Variants in USP30 observed in about 807,000 individuals in gnomAD.
The protein encoded by USP30 is ubiquitin carboxyl-terminal hydrolase 30.
In USP30, 41 loss-of-function variants were observed where a neutral mutation model predicts 68.2. That is an observed-to-expected ratio of 0.60 (90% confidence interval 0.47 to 0.78). The LOEUF (loss-of-function observed/expected upper bound fraction) is 0.78. Ranked by LOEUF, USP30 falls within the 30% of genes least tolerant of loss-of-function variation. The pLI is 0.00. For missense variants in USP30, 522 were observed against 649.4 expected (o/e 0.80, Z 2.13); for synonymous variants, 229 against 253.7 (o/e 0.90, Z 0.93).
At chr12:109,057,883 A>G in intron 2 of USP30, 43 bp from the exon 3 acceptor site, 1 of 1,570,208 alleles carries the variant, frequency 6.4e-7, no homozygotes, top group Admixed American at 1.9e-5. Flanking sequence ...AAATTGATCA[A>G]ATGTGATATA....
intron 3 of USP30, among the ~76,000 whole-genome samples, chr12:109,061,601 G>A (rs1326143420): frequency 6.6e-6 from 1 of 151,800 alleles, no homozygotes; most frequent in Non-Finnish European, 1.5e-5. Flanking sequence ...GTAGAGACAG[G>A]GTTTTGACTT....
Position 109,071,612 on chromosome 12 carries a change from G to C in USP30, c.481G>C (p.Asp161His). The C allele has an allele frequency of 6.2e-7, 1 of 1,613,996 alleles. No homozygotes were observed. The highest frequency in any genetic ancestry group is 1.7e-5 in the Admixed American group (1 of 60,000). ...RWQISSFEEQ[D>H]AHELFHVITS... is the part of the protein sequence containing the mutation. ...TAAAGAATGCTTTGCCCTATGACAG[G>C]ATGCTCACGAATTATTCCATGTCAT... Residue 161 changes from aspartate (D) to histidine (H), a missense_variant and splice_region_variant, in exon 5 of 13, where the codon GAT becomes CAT. By Grantham distance (81) the Asp-to-His change is moderately conservative. Transcript: ENST00000257548.
At chr12:109,034,500 G>A (rs979969963) in intron 3 of USP30, among the ~76,000 whole-genome samples, 9 of 152,198 alleles carry the variant, frequency 5.9e-5, no homozygotes, top group African/African-American at 2.2e-4. Context: ...ACTGAGGTGG[G>A]AGGATCGCTT....
At chr12:109,042,877 A>G (rs2135674459) in intron 3 of USP30, among the ~76,000 whole-genome samples, 1 of 152,334 alleles carries the variant, frequency 6.6e-6, no homozygotes, top group East Asian at 1.9e-4. Flanking sequence ...AAAAGCTGTT[A>G]GAACTAATAA....
intron 3 of USP30, among the ~76,000 whole-genome samples, chr12:109,038,168 C>G (rs2040535224): frequency 6.9e-6 from 1 of 145,668 alleles, no homozygotes; most frequent in South Asian, 2.3e-4. Flanking sequence ...TCTCCCTCCC[C>G]CGACCCCTCC....
upstream of USP30, among the ~76,000 whole-genome samples, chr12:109,048,058 G>C (rs1319534432): frequency 6.6e-6 from 1 of 151,050 alleles, no homozygotes; most frequent in South Asian, 2.1e-4. Context: ...TCATGGGTCT[G>C]ACGTCTAATA....
At chr12:109,043,984 G>A (rs2135675720) in intron 3 of USP30, among the ~76,000 whole-genome samples, 1 of 152,266 alleles carries the variant, frequency 6.6e-6, no homozygotes, top group South Asian at 2.1e-4. Flanking sequence ...ATCAACAAAA[G>A]AGTGGATAAG....
intron 3 of USP30, among the ~76,000 whole-genome samples, chr12:109,067,207 G>A (rs917395376): frequency 2.8e-5 from 4 of 144,714 alleles, no homozygotes; most frequent in Non-Finnish European, 4.5e-5. Context: ...TCCGCCTCCC[G>A]GGTTCATGCC....
intron 8 of USP30, 78 bp downstream of exon 8, chr12:109,081,471 T>C: frequency 6.9e-7 from 1 of 1,452,980 alleles, no homozygotes; most frequent in South Asian, 1.2e-5. Context: ...GCATTTTATG[T>C]GGCTCAGGCA....
chr12:109,060,715 C>T lies in USP30; in HGVS notation c.376+2607C>T, dbSNP rs540245131. Among the ~76,000 whole-genome samples, 15 of 152,136 alleles carry T rather than the reference C, an allele frequency of 9.9e-5. No homozygotes were observed. In the South Asian group the frequency reaches 2.3e-3, roughly 23 times the overall value. On this transcript the variant is annotated intron_variant, in intron 3 of 12. Transcript: ENST00000257548. ...TGTCACTCAGGCTGGAATGCAGTGG[C>T]GGGATCTCGGCTCACTGCAACCTCT...
rs75382896 is a variant in USP30 at position 109,072,342 on chromosome 12, G to C, written c.617G>C (p.Arg206Pro). The C allele has an allele frequency of 6.2e-7, 1 of 1,612,912 alleles. No individual in the cohort carries two copies. The change falls in exon 6 of 13, where the codon CGC becomes CCC. Residue 206 changes from arginine (R) to proline (P), a missense_variant. Arg to Pro is a moderately radical substitution (Grantham distance 103, BLOSUM62 -2). Transcript: ENST00000257548. Reference sequence around the variant, plus strand: ...ATAACTCCCAAACAAATTACCTGCCGCACAAGAGGTAGCTGTTTTCCATTG... The same window carrying C: ...ATAACTCCCAAACAAATTACCTGCCCCACAAGAGGTAGCTGTTTTCCATTG... The part of the protein sequence containing the change: ...SEITPKQITC[R>P]TRGSPHPTSN...
intron 5 of USP30, 36 bp from the exon 6 acceptor site, chr12:109,072,269 G>A: frequency 1.3e-6 from 2 of 1,599,666 alleles, no homozygotes; most frequent in Non-Finnish European, 1.7e-6. Context: ...ATTATAGTAA[G>A]GTTTTCAGTC....
intron 4 of USP30, among the ~76,000 whole-genome samples, chr12:109,071,100 T>A (rs1010463799): frequency 6.6e-6 from 1 of 152,044 alleles, no homozygotes; most frequent in Non-Finnish European, 1.5e-5. Context: ...AGATAAAGAA[T>A]GGTGGGTGCC....
chr12:109,081,877 A>G (rs957197016), intron 8 of USP30, 56 bp from the exon 9 acceptor site: 2 of 1,535,524 alleles, frequency 1.3e-6, no homozygotes, highest in Non-Finnish European at 1.8e-6. Flanking sequence ...ATCTGCTAAC[A>G]GTTTCAGTAT....
Position 109,086,411 on chromosome 12 carries a change from G to T in USP30, c.*480G>T, listed in dbSNP as rs530247179. On this transcript the variant is annotated 3_prime_UTR_variant, in exon 13 of 13. Coordinates refer to ENST00000257548, the MANE Select transcript of USP30 (RefSeq NM_032663.5). Reference sequence around the variant, plus strand: ...CCTTTCACTTTCGATTGCTTTTGTAGCACGTCCATTGTGAAATATTCCTTC... The same window carrying T: ...CCTTTCACTTTCGATTGCTTTTGTATCACGTCCATTGTGAAATATTCCTTC... The T allele has an allele frequency of 1.3e-5, 2 of 156,738 alleles. No homozygotes were observed. Among genetic ancestry groups the T allele is most frequent in the African/African-American group, 2.4e-5 (1 of 41,614 alleles). 9.7% of individuals were successfully genotyped at this position (156,738 alleles called of 1,614,324 possible). A position where few individuals can be genotyped will look rare whatever the true frequency, so the allele number is the denominator to read the frequency against.
chr12:109,050,088 G>C (rs951760364), upstream of USP30, among the ~76,000 whole-genome samples: 3 of 152,212 alleles, frequency 2.0e-5, no homozygotes, highest in African/African-American at 7.2e-5. Flanking sequence ...AAGGTCAGGA[G>C]TTCAAGAGCA....
At chr12:109,060,341 G>T (rs564983329) in intron 3 of USP30, among the ~76,000 whole-genome samples, 1 of 152,152 alleles carries the variant, frequency 6.6e-6, no homozygotes, top group Non-Finnish European at 1.5e-5. Flanking sequence ...TTAACAATAA[G>T]CATATATTGC....
intron 3 of USP30, among the ~76,000 whole-genome samples, chr12:109,043,484 A>G (rs571875623): frequency 1.3e-5 from 2 of 152,334 alleles, no homozygotes; most frequent in Admixed American, 6.5e-5. Context: ...TGGGAAAAGG[A>G]CAGTCTTCAT....
At chr12:109,041,450 C>G (rs1035900439) in intron 3 of USP30, among the ~76,000 whole-genome samples, 1 of 151,996 alleles carries the variant, frequency 6.6e-6, no homozygotes, top group African/African-American at 2.4e-5. Context: ...GCCTGGCCAA[C>G]GTGGTGAAAC....
Sources: allele counts gnomAD v4.1 joint callset (sites outside exome capture counted in the v4.1 genomes callset), GRCh38; gene constraint gnomAD v4.1.1; transcripts MANE v1.5; gene names NCBI Gene and HGNC (gene_info 2026-07-23, HGNC 2026-07-21).